RPP30: variants seen among roughly 807,000 people sequenced by gnomAD.
RPP30 encodes ribonuclease P/MRP subunit p30.
RPP30 carries 36 observed loss-of-function variants against 38.6 expected under a neutral mutation model. That is an observed-to-expected ratio of 0.93 (90% CI 0.71 to 1.23). The LOEUF (loss-of-function observed/expected upper bound fraction) is 1.23. Ranked by LOEUF, RPP30 falls within the 50% of genes most tolerant of loss-of-function variation. RPP30 has a pLI of 0.00. For synonymous variants in RPP30, 126 were observed against 112.7 expected, an observed-to-expected ratio of 1.12 and a Z score of -0.75; for missense variants, 321 against 321.7, an observed-to-expected ratio of 1.00 and a Z score of 0.02.
chr10:90,881,784 A>T (rs1376452119), intron 5 of RPP30, among the ~76,000 whole-genome samples: 1 of 152,166 alleles, frequency 6.6e-6, no homozygotes, highest in Non-Finnish European at 1.5e-5. Context: ...TTGTAAGTTG[A>T]TTATCTAGAA....
intron 5 of RPP30, among the ~76,000 whole-genome samples, chr10:90,883,548 T>C (rs1473383777): frequency 6.6e-6 from 1 of 151,792 alleles, no homozygotes; most frequent in Non-Finnish European, 1.5e-5. Context: ...CATTCTAAGG[T>C]TGAAGTGTCA....
intron 6 of RPP30, among the ~76,000 whole-genome samples, chr10:90,887,838 C>CA (rs1847021174): frequency 6.6e-6 from 1 of 152,164 alleles, no homozygotes; most frequent in Non-Finnish European, 1.5e-5. Context: ...CTATGTTGTG[C>CA]AACAGTTCAT....
intron 2 of RPP30, 73 bp from the exon 3 acceptor site, chr10:90,875,485 C>A (rs1050447616): frequency 1.7e-6 from 2 of 1,182,044 alleles, no homozygotes; most frequent in Admixed American, 1.8e-5. Flanking sequence ...CTGAGAACAC[C>A]TCGTAATTTT....
At chr10:90,885,614 A>T (rs567458049) in intron 5 of RPP30, among the ~76,000 whole-genome samples, 198 bp from the exon 6 acceptor site, 1 of 152,306 alleles carries the variant, frequency 6.6e-6, no homozygotes, top group South Asian at 2.1e-4. Flanking sequence ...CTTTTGCTGG[A>T]TTACAGTTAA....
At chr10:90,900,472 C>G (rs1296698198) in intron 10 of RPP30, 98 bp from the exon 11 acceptor site, 10 of 1,185,392 alleles carry the variant, frequency 8.4e-6, no homozygotes, top group Non-Finnish European at 1.2e-5. Context: ...TATGGCTTAT[C>G]ATTTGCTATT....
At chr10:90,876,182 C>A in intron 4 of RPP30, 84 bp downstream of exon 4, 2 of 878,794 alleles carry the variant, frequency 2.3e-6, no homozygotes, top group Non-Finnish European at 3.7e-6. Context: ...TTGTCTTCCC[C>A]ATTTTACATT....
intron 10 of RPP30, among the ~76,000 whole-genome samples, chr10:90,896,751 A>T (rs979924319): frequency 2.6e-5 from 4 of 152,184 alleles, no homozygotes; most frequent in Admixed American, 2.6e-4. Context: ...ATATGTTAAA[A>T]ATATGTGTTA....
chr10:90,872,284 A>T, intron 1 of RPP30: 1 of 583,340 alleles, frequency 1.7e-6, no homozygotes, highest in Non-Finnish European at 3.1e-6. Flanking sequence ...ACTTTCCTGC[A>T]ATGAGGGAAC....
At chr10:90,874,433 A>G (rs996100341) in intron 1 of RPP30, among the ~76,000 whole-genome samples, 1 of 152,250 alleles carries the variant, frequency 6.6e-6, no homozygotes, top group Non-Finnish European at 1.5e-5. Flanking sequence ...AGTGACAGTG[A>G]TAAAGTAGGA....
intron 6 of RPP30, among the ~76,000 whole-genome samples, chr10:90,889,176 A>G (rs962044740): frequency 2.0e-5 from 3 of 152,080 alleles, no homozygotes; most frequent in Non-Finnish European, 4.4e-5. Flanking sequence ...TACATAAAGT[A>G]TGGAAATGTA....
At chr10:90,883,721 T>G (rs182216228) in intron 5 of RPP30, among the ~76,000 whole-genome samples, 53 of 152,320 alleles carry the variant, frequency 3.5e-4, no homozygotes, top group South Asian at 2.1e-3. Flanking sequence ...TAATTTAGCT[T>G]TATTCTGGGG....
downstream of RPP30, chr10:90,908,141 T>C (rs1361806255): frequency 2.0e-5 from 3 of 152,234 alleles, no homozygotes; most frequent in African/African-American, 7.2e-5. Flanking sequence ...AGGATGTTGC[T>C]ATCAATAGAA....
intron 5 of RPP30, among the ~76,000 whole-genome samples, chr10:90,883,848 A>G (rs1423856449): frequency 2.0e-5 from 3 of 152,220 alleles, no homozygotes; most frequent in Non-Finnish European, 4.4e-5. Flanking sequence ...CCTTACTTCC[A>G]CCTAAAATTC....
In RPP30 at chr10:90,884,007, A is replaced by G. The variant is rs538085207; in HGVS notation, c.343-1805A>G. On this transcript the variant is annotated intron_variant, in intron 5 of 10. Transcript: ENST00000371703. ...TAACACCATGCTTCTTTTACCTTACAGTTTCTTAGAGGTTGTTCCATAATA... is the reference window on the plus strand; with the variant it reads ...TAACACCATGCTTCTTTTACCTTACGGTTTCTTAGAGGTTGTTCCATAATA... 3.3e-5 allele frequency among the ~76,000 whole-genome samples: 5 copies of G among 151,748 alleles called. No individual in the cohort carries two copies. In the South Asian group the frequency reaches 6.3e-4, roughly 19 times the overall value.
At chr10:90,872,253 G>T in intron 1 of RPP30, 185 bp downstream of exon 1, 1 of 610,638 alleles carries the variant, frequency 1.6e-6, no homozygotes, top group Non-Finnish European at 3.0e-6. Flanking sequence ...AAGGTTCTGG[G>T]GGTTGTTATC....
intron 6 of RPP30, among the ~76,000 whole-genome samples, chr10:90,892,119 A>AT (rs1467329215): frequency 6.6e-6 from 1 of 152,086 alleles, no homozygotes; most frequent in Non-Finnish European, 1.5e-5. Context: ...TATGACCATT[A>AT]TTTTTCATTA....
chr10:90,880,583 C>T (rs1164099754), intron 5 of RPP30, among the ~76,000 whole-genome samples: 2 of 152,020 alleles, frequency 1.3e-5, no homozygotes, highest in Admixed American at 1.3e-4. Flanking sequence ...CAAAAATTAT[C>T]CAGGCATGGT....
intron 1 of RPP30, among the ~76,000 whole-genome samples, chr10:90,872,567 AGTGGAG>A (rs1846795200): frequency 6.6e-6 from 1 of 152,014 alleles, no homozygotes; most frequent in African/African-American, 2.4e-5. Context: ...TACACAGCGG[AGTGGAG>A]GTGGAGGAGG....
At chr10:90,872,562 A>G (rs952818566) in intron 1 of RPP30, among the ~76,000 whole-genome samples, 8 of 152,078 alleles carry the variant, frequency 5.3e-5, no homozygotes, top group African/African-American at 1.7e-4. Flanking sequence ...GGACATACAC[A>G]GCGGAGTGGA....
Sources: gnomAD v4.1 joint callset for allele counts (sites outside exome capture counted in the v4.1 genomes callset) on GRCh38, gnomAD v4.1.1 for gene constraint, MANE v1.5 for transcripts, NCBI Gene and HGNC (gene_info 2026-07-23, HGNC 2026-07-21) for gene names.